MRPL45: variants seen among roughly 807,000 people sequenced by gnomAD.
The protein encoded by MRPL45 is mitochondrial ribosomal protein L45, also known as large ribosomal subunit protein mL45.
In MRPL45, 20 loss-of-function variants were observed where a neutral mutation model predicts 38.1. That is an observed-to-expected ratio of 0.53 (90% CI 0.37 to 0.76). MRPL45 has a LOEUF of 0.76. MRPL45 is among the 30% of genes least tolerant of loss of function. The pLI, the probability that MRPL45 is intolerant of heterozygous loss-of-function variation, is 0.00. For synonymous variants in MRPL45, 105 were observed against 128.8 expected, an observed-to-expected ratio of 0.82 and a Z score of 1.25; for missense variants, 337 against 395.6, an observed-to-expected ratio of 0.85 and a Z score of 1.26.
rs372447702 is a variant in MRPL45, at chr17:38,320,154, C to A, written c.511-464C>A. Among the ~76,000 whole-genome samples, 41 of 152,208 alleles carry A rather than the reference C, an allele frequency of 2.7e-4. No individual in the cohort carries two copies. In the South Asian group the frequency reaches 7.5e-3, roughly 28 times the overall value. On this transcript the variant is annotated intron_variant, in intron 5 of 7. Coordinates refer to ENST00000613675, the MANE Select transcript of MRPL45 (RefSeq NM_032351.6). ...ACTTGGGTTTCTATCAGTAGAACTT[C>A]AGTTTCTATCAGTCTTCCCCAGTCC...
In MRPL45 at chr17:38,298,617, G is replaced by T. The variant is rs375901941; in HGVS notation, c.235G>T (p.Ala79Ser). Residue 79 changes from alanine to serine, a missense_variant, in exon 2 of 8, where the codon GCC becomes TCC. Coordinates refer to ENST00000613675, the MANE Select transcript of MRPL45 (RefSeq NM_032351.6). ...AAAATCGGACCGTTCCATACATCTG[G>T]CCTGTACAGGTGAGGTATTTCTGGG... ...PEKSDRSIHL[A>S]CTAGIFDAYV... The T allele has an allele frequency of 3.5e-4, 565 of 1,610,760 alleles. 2 individuals are homozygous for T. In the African/African-American group the frequency reaches 7.0e-3, roughly 20 times the overall value.
chr17:38,312,656 A>C (rs2037123784), intron 4 of MRPL45, among the ~76,000 whole-genome samples: 1 of 152,098 alleles, frequency 6.6e-6, no homozygotes, highest in African/African-American at 2.4e-5. Flanking sequence ...GTTTCTGGGC[A>C]GCAGAGTAAG....
chr17:38,303,958 G>A (rs1567713466), intron 3 of MRPL45, among the ~76,000 whole-genome samples: 1 of 152,032 alleles, frequency 6.6e-6, no homozygotes, highest in African/African-American at 2.4e-5. Flanking sequence ...TCCCTCTTAC[G>A]TTGTATTCCC....
At position 38,322,211 on chromosome 17, in the gene MRPL45, A is replaced by T. The variant is rs1285600030; in HGVS notation, c.746A>T (p.Glu249Val). 2 of 1,614,036 alleles carry T rather than the reference A, an allele frequency of 1.2e-6. No individual in the cohort carries two copies. Among genetic ancestry groups the T allele is most frequent in the Non-Finnish European group, 1.7e-6 (2 of 1,180,032 alleles). The change falls in exon 7 of 8, where the codon GAA (glutamate) becomes GTA (valine). Residue 249 changes from glutamate (E) to valine (V), a missense_variant. By Grantham distance (121) the Glu-to-Val change is moderately radical (BLOSUM62 -2). Coordinates refer to ENST00000613675, the MANE Select transcript of MRPL45 (RefSeq NM_032351.6). ...GATGTCCTGGAGTATGTTGTATTCGAAAAGCAGTTGACAAACCCCTATGGA... is the reference window on the plus strand; with the variant it reads ...GATGTCCTGGAGTATGTTGTATTCGTAAAGCAGTTGACAAACCCCTATGGA... ...PKDVLEYVVF[E>V]KQLTNPYGSW... is the part of the protein sequence containing the mutation.
chr17:38,310,604 C>T (rs1298565265), intron 4 of MRPL45, among the ~76,000 whole-genome samples: 2 of 151,786 alleles, frequency 1.3e-5, no homozygotes, highest in African/African-American at 2.4e-5. Context: ...GCTGGGATTA[C>T]AGGCATGAGC....
rs2037124342 is a variant in MRPL45, at chr17:38,312,721, G to A, written c.462-5966G>A. Among the ~76,000 whole-genome samples the A allele has an allele frequency of 2.6e-5, 4 of 152,050 alleles. No homozygotes were observed. In the South Asian group the frequency reaches 8.3e-4, roughly 32 times the overall value. On this transcript the variant is annotated intron_variant, in intron 4 of 7. Coordinates refer to ENST00000613675, the MANE Select transcript of MRPL45 (RefSeq NM_032351.6). Reference sequence around the variant, plus strand: ...CATCCGGGCATGGTGGTGCATGCCTGTAGTCCCAGCTATTTGAGGTGCTAA... The same window carrying A: ...CATCCGGGCATGGTGGTGCATGCCTATAGTCCCAGCTATTTGAGGTGCTAA...
Position 38,320,631 on chromosome 17 carries a change from A to G in MRPL45, c.524A>G (p.Asp175Gly). 6.2e-7 allele frequency: 1 copy of G among 1,614,160 alleles called. No individual in the cohort carries two copies. ...CTTTGCCCTTAGGACATGACTTGGG[A>G]CATCAAATATAAGACCGTCCGCTGG... The part of the protein sequence containing the change: ...TEHCFPDMTW[D>G]IKYKTVRWSF... Residue 175 changes from aspartate to glycine, a missense_variant, in exon 6 of 8, where the codon GAC (aspartate) becomes GGC (glycine). Physicochemically the swap from Asp to Gly is moderately conservative, Grantham distance 94 (BLOSUM62 -1). This residue lies in a region of MRPL45 where 251 missense variants were observed against 269.1 expected (regional missense o/e 0.93). Transcript: ENST00000613675.
At chr17:38,320,832 G>T in intron 6 of MRPL45, 65 bp downstream of exon 6, 1 of 1,533,114 alleles carries the variant, frequency 6.5e-7, no homozygotes, top group Non-Finnish European at 9.0e-7. Context: ...CCTCCCTCTG[G>T]AGTGCTGGGT....
rs1361381231 is a variant in MRPL45, at chr17:38,308,159, C to T, written c.461+1528C>T. The stretch of plus-strand genomic sequence containing the variant: ...TTTTTTTTTTTCCCCCTTTTTGAGA[C>T]GGAGTCTAGCTCTGTCATCCAGGCT... On this transcript the variant is annotated intron_variant, in intron 4 of 7. Coordinates refer to ENST00000613675, the MANE Select transcript of MRPL45 (RefSeq NM_032351.6). 1.5e-4 allele frequency among the ~76,000 whole-genome samples: 23 copies of T among 151,892 alleles called. No homozygotes were observed. In the East Asian group the frequency reaches 3.9e-3, roughly 26 times the overall value.
chr17:38,298,644 C>CG lies in MRPL45; in HGVS notation c.244+18_244+19insG. The CG allele has an allele frequency of 6.4e-7, 1 of 1,563,240 alleles. No individual in the cohort carries two copies. Among genetic ancestry groups the CG allele is most frequent in the Non-Finnish European group, 8.8e-7 (1 of 1,140,068 alleles). ...CTGTACAGGTGAGGTATTTCTGGGA[C>CG]CCTGACCTGGGATCCTTCTGTCAGA... is the stretch of plus-strand genomic sequence containing the variant. On this transcript the variant is annotated intron_variant, in intron 2 of 7. Transcript: ENST00000613675.
chr17:38,316,735 TCCAAAAAAAAAAA>T (rs2037176734), intron 4 of MRPL45, among the ~76,000 whole-genome samples: 1 of 18,722 alleles, frequency 5.3e-5, no homozygotes, highest in African/African-American at 1.6e-4. Flanking sequence ...AGTGGTGCAA[TCCAAAAAAAAAAA>T]AAAAAAAAAA....
chr17:38,319,253 T>G (rs1244231665), intron 5 of MRPL45, among the ~76,000 whole-genome samples: 2 of 151,950 alleles, frequency 1.3e-5, no homozygotes, highest in African/African-American at 4.8e-5. Context: ...GCCAGGATGG[T>G]CTCGATCTTC....
intron 4 of MRPL45, among the ~76,000 whole-genome samples, chr17:38,312,472 T>G (rs2144224013): frequency 6.6e-6 from 1 of 152,352 alleles, no homozygotes; most frequent in East Asian, 1.9e-4. Context: ...ATAATGCTCC[T>G]GTGATTGTTG....
At chr17:38,301,832 T>C (rs2036998933) in intron 3 of MRPL45, among the ~76,000 whole-genome samples, 1 of 151,992 alleles carries the variant, frequency 6.6e-6, no homozygotes, top group African/African-American at 2.4e-5. Flanking sequence ...CAGGGAAAGA[T>C]AATGGCCGGG....
chr17:38,309,760 T>C (rs1463836936), intron 4 of MRPL45, among the ~76,000 whole-genome samples: 1 of 151,726 alleles, frequency 6.6e-6, no homozygotes, highest in Non-Finnish European at 1.5e-5. Flanking sequence ...CACTGGGCCA[T>C]GTGTGTGTCT....
chr17:38,320,052 G>C (rs1034411565), intron 5 of MRPL45, among the ~76,000 whole-genome samples: 1 of 152,144 alleles, frequency 6.6e-6, no homozygotes, highest in East Asian at 1.9e-4. Context: ...GCAGTGAGCC[G>C]AGACCGCGCC....
At chr17:38,302,566 A>C (rs1472982400) in intron 3 of MRPL45, among the ~76,000 whole-genome samples, 1 of 137,298 alleles carries the variant, frequency 7.3e-6, no homozygotes, top group Non-Finnish European at 1.5e-5. Flanking sequence ...GAGGAATAGC[A>C]TTCTAGGGAA....
chr17:38,318,754 T>C lies in MRPL45; in HGVS notation c.510+19T>C, dbSNP rs752468058. 6.3e-7 allele frequency: 1 copy of C among 1,578,448 alleles called. No individual in the cohort carries two copies. Among genetic ancestry groups the C allele is most frequent in the Non-Finnish European group, 8.7e-7 (1 of 1,148,680 alleles). ...TTTTCCAGTAAGTTCTCATCCTCCT[T>C]AGAACTGTGGGGTGACTGAGTGGGC... On this transcript the variant is annotated intron_variant, in intron 5 of 7. Transcript: ENST00000613675.
chr17:38,304,547 T>C (rs1468402806), intron 3 of MRPL45, among the ~76,000 whole-genome samples: 1 of 151,358 alleles, frequency 6.6e-6, no homozygotes, highest in African/African-American at 2.4e-5. Flanking sequence ...TTACTTTTTA[T>C]TTTATTTTTT....
Sources: allele counts gnomAD v4.1 joint callset (sites outside exome capture counted in the v4.1 genomes callset), GRCh38; gene constraint gnomAD v4.1.1; regional missense constraint gnomAD v4.1.1; transcripts MANE v1.5; gene names NCBI Gene and HGNC (gene_info 2026-07-23, HGNC 2026-07-21).